The following SPOCK1 variants were observed in gnomAD, a reference collection of about 807,000 sequenced individuals.
The protein encoded by SPOCK1 is SPARC (osteonectin), cwcv and kazal like domains proteoglycan 1.
Under a neutral mutation model 55.3 loss-of-function variants are expected in SPOCK1, and 23 were observed. The ratio of observed to expected loss-of-function variants is 0.42; its 90% CI spans 0.30 to 0.59. SPOCK1 has a LOEUF of 0.59. Ranked by LOEUF, SPOCK1 falls within the 20% of genes least tolerant of loss-of-function variation. The probability of loss-of-function intolerance (pLI) is 0.22; values close to 1 mark genes in which losing one functional copy is unlikely to be tolerated. For missense variants in SPOCK1, 499 were observed against 552.5 expected, an observed-to-expected ratio of 0.90 and a Z score of 0.97; for synonymous variants, 226 against 221.0, an observed-to-expected ratio of 1.02 and a Z score of -0.20.
In SPOCK1 at chr5:137,195,524, G is replaced by A. The variant is rs142974665; in HGVS notation, c.233-54830C>T. ...ATCATTACTGCCTCACTAAGCAGAG[G>A]AAGATGTGGGAGCTGGGGCAGTGGA... On this transcript the variant is annotated intron_variant, in intron 3 of 10. Coordinates refer to ENST00000394945, the MANE Select transcript of SPOCK1 (RefSeq NM_004598.4). 5.5e-3 allele frequency among the ~76,000 whole-genome samples: 837 copies of A among 152,364 alleles called. 13 individuals carry two copies. The highest frequency in any genetic ancestry group is 0.019 in the African/African-American group (802 of 41,590).
chr5:137,404,754 C>A (rs1046774099), intron 2 of SPOCK1, among the ~76,000 whole-genome samples: 9 of 152,066 alleles, frequency 5.9e-5, no homozygotes, highest in African/African-American at 2.4e-5. Context: ...ACAGGCCAAA[C>A]AAACCACATC....
At chr5:137,139,043 T>G (rs1754044554) in intron 4 of SPOCK1, among the ~76,000 whole-genome samples, 1 of 152,170 alleles carries the variant, frequency 6.6e-6, no homozygotes, top group Non-Finnish European at 1.5e-5. Context: ...ACAAAATGGC[T>G]GAAAGAACTC....
At chr5:137,133,221 T>A (rs1204466983) in intron 4 of SPOCK1, among the ~76,000 whole-genome samples, 2 of 151,972 alleles carry the variant, frequency 1.3e-5, no homozygotes, top group East Asian at 1.9e-4. Context: ...TACAAAAAAA[T>A]TAGCTAGGCA....
chr5:137,328,700 C>T (rs1485879552), intron 2 of SPOCK1, among the ~76,000 whole-genome samples: 4 of 152,098 alleles, frequency 2.6e-5, no homozygotes, highest in Admixed American at 1.3e-4. Flanking sequence ...TATTCTCATT[C>T]GCACTTTCCT....
rs144939131 is a variant in SPOCK1 at position 137,451,932 on chromosome 5, G to A, written c.186+46441C>T. ...TGAGTTTCCCTTATCTAAAATGCTT[G>A]GGACCAGTAGTGTTTTAGATTTTGG... On this transcript the variant is annotated intron_variant, in intron 2 of 10. Transcript: ENST00000394945. 8.7e-4 allele frequency among the ~76,000 whole-genome samples: 132 copies of A among 152,294 alleles called. 1 individual carries two copies. The highest frequency in any genetic ancestry group is 2.8e-3 in the African/African-American group (118 of 41,560).
At chr5:137,298,146 A>T (rs189946374) in intron 2 of SPOCK1, among the ~76,000 whole-genome samples, 52 of 152,246 alleles carry the variant, frequency 3.4e-4, no homozygotes, top group South Asian at 1.0e-3. Flanking sequence ...AGGTACTTTT[A>T]ACAGTGCTAT....
rs80224971 is a variant in SPOCK1, at chr5:137,345,234, T to C, written c.187-78179A>G. ...AAGTCATCCAGTCCCATAGCCTCAT[T>C]TTAGCAAAGAATATGACTGCCTTTA... On this transcript the variant is annotated intron_variant, in intron 2 of 10. Transcript: ENST00000394945. 2.9e-3 allele frequency among the ~76,000 whole-genome samples: 449 copies of C among 152,280 alleles called. 13 individuals carry two copies. The East Asian group carries it at 0.03, about 10-fold the overall frequency.
intron 2 of SPOCK1, among the ~76,000 whole-genome samples, chr5:137,305,363 G>A (rs138369473): frequency 0.013 from 2,031 of 152,274 alleles, 34 homozygotes; most frequent in Middle Eastern, 0.017. Flanking sequence ...CTGCCATATA[G>A]GATTCAGCCC....
At chr5:137,041,428 C>T (rs1489039383) in intron 6 of SPOCK1, among the ~76,000 whole-genome samples, 1 of 152,096 alleles carries the variant, frequency 6.6e-6, no homozygotes, top group South Asian at 2.1e-4. Context: ...TGGTGCTGAA[C>T]CAAAATCACA....
intron 2 of SPOCK1, among the ~76,000 whole-genome samples, chr5:137,271,983 G>T (rs1302040774): frequency 6.6e-6 from 1 of 152,204 alleles, no homozygotes; most frequent in Non-Finnish European, 1.5e-5. Flanking sequence ...GTCTTGACCA[G>T]GAGGGAGCAA....
chr5:137,171,585 T>C (rs1368125977), intron 3 of SPOCK1, among the ~76,000 whole-genome samples: 2 of 152,156 alleles, frequency 1.3e-5, no homozygotes, highest in African/African-American at 4.8e-5. Flanking sequence ...ACCATTTATA[T>C]GTAGATATCT....
chr5:137,034,842 C>T (rs1231611783), intron 6 of SPOCK1, among the ~76,000 whole-genome samples: 5 of 152,148 alleles, frequency 3.3e-5, no homozygotes, highest in East Asian at 1.9e-4. Flanking sequence ...GACAGTGGCA[C>T]GGATTACAGC....
At chr5:137,297,775 G>T (rs1350527214) in intron 2 of SPOCK1, among the ~76,000 whole-genome samples, 1 of 152,284 alleles carries the variant, frequency 6.6e-6, no homozygotes, top group Non-Finnish European at 1.5e-5. Context: ...GATCTAGGAG[G>T]TCAGTGAATG....
chr5:137,418,681 T>A (rs1278094354), intron 2 of SPOCK1, among the ~76,000 whole-genome samples: 6 of 152,164 alleles, frequency 3.9e-5, no homozygotes, highest in Non-Finnish European at 8.8e-5. Context: ...GTTTGAGTTC[T>A]TTGTAGATTC....
intron 5 of SPOCK1, among the ~76,000 whole-genome samples, chr5:137,088,795 G>A (rs1232670284): frequency 6.6e-6 from 1 of 152,180 alleles, no homozygotes; most frequent in South Asian, 2.1e-4. Context: ...GTACCATGGG[G>A]GTTGAAAGAT....
At chr5:137,032,652 G>A (rs1038578651) in intron 6 of SPOCK1, among the ~76,000 whole-genome samples, 2 of 152,152 alleles carry the variant, frequency 1.3e-5, no homozygotes, top group Non-Finnish European at 2.9e-5. Context: ...AAGGCAAAAG[G>A]AGAAGAGTTT....
chr5:137,030,419 T>G (rs1457483204), intron 6 of SPOCK1, among the ~76,000 whole-genome samples: 1 of 152,212 alleles, frequency 6.6e-6, no homozygotes, highest in African/African-American at 2.4e-5. Flanking sequence ...AAACAAGGCC[T>G]CTAAGTACAA....
intron 6 of SPOCK1, among the ~76,000 whole-genome samples, chr5:137,050,898 G>C (rs1485195745): frequency 6.6e-6 from 1 of 152,168 alleles, no homozygotes; most frequent in East Asian, 1.9e-4. Context: ...CCCGTATTCT[G>C]AAAGAAAACT....
At chr5:137,496,169 C>G (rs1044463257) in intron 2 of SPOCK1, among the ~76,000 whole-genome samples, 5 of 151,988 alleles carry the variant, frequency 3.3e-5, no homozygotes, top group African/African-American at 1.2e-4. Context: ...AATATGGATT[C>G]CCTGCACTCA....
Sources: allele counts gnomAD v4.1 joint callset (sites outside exome capture counted in the v4.1 genomes callset), GRCh38; gene constraint gnomAD v4.1.1; transcripts MANE v1.5; gene names NCBI Gene and HGNC (gene_info 2026-07-23, HGNC 2026-07-21).